OSBPL10: variants seen among roughly 807,000 people sequenced by gnomAD.
OSBPL10 encodes oxysterol binding protein like 10.
OSBPL10 carries 49 observed loss-of-function variants against 81.7 expected under a neutral mutation model. The observed-to-expected ratio is 0.60, with a 90% CI of 0.48 to 0.76. OSBPL10 has a LOEUF of 0.76. OSBPL10 is among the 30% of genes least tolerant of loss of function. OSBPL10 has a pLI of 0.00. For synonymous variants in OSBPL10, 419 were observed against 383.6 expected, an observed-to-expected ratio of 1.09 and a Z score of -1.08; for missense variants, 923 against 987.8, an observed-to-expected ratio of 0.93 and a Z score of 0.88.
chr3:31,737,202 C>T (rs72857994), intron 5 of OSBPL10, among the ~76,000 whole-genome samples: 8,531 of 152,136 alleles, frequency 0.056, 809 homozygotes, highest in African/African-American at 0.19. Context: ...GAGAAAGACG[C>T]CCATCTCAGA....
intron 1 of OSBPL10, among the ~76,000 whole-genome samples, chr3:31,934,631 T>G (rs1410352122): frequency 6.6e-6 from 1 of 151,220 alleles, no homozygotes; most frequent in Non-Finnish European, 1.5e-5. Flanking sequence ...GGTCTCAAAC[T>G]CCTGACCTCA....
intron 2 of OSBPL10, among the ~76,000 whole-genome samples, chr3:32,002,826 T>C (rs1699165136): frequency 7.6e-6 from 1 of 132,108 alleles, no homozygotes; most frequent in South Asian, 2.3e-4. Flanking sequence ...TTGAATCTGC[T>C]TTTATCTTTT....
chr3:31,967,588 TGAAA>T (rs770155754), intron 1 of OSBPL10, among the ~76,000 whole-genome samples: 5 of 152,174 alleles, frequency 3.3e-5, no homozygotes, highest in Non-Finnish European at 5.9e-5. Context: ...CATTTATAAA[TGAAA>T]GAGACAGTTG....
chr3:31,663,332 T>C (rs889323092), intron 11 of OSBPL10: 1 of 985,516 alleles, frequency 1.0e-6, no homozygotes, highest in Non-Finnish European at 1.2e-6. Flanking sequence ...GAGTGGCATC[T>C]GCCCCAGCCC....
At chr3:31,990,906 C>T in intron 2 of OSBPL10, 1 of 1,574,232 alleles carries the variant, frequency 6.4e-7, no homozygotes, top group Non-Finnish European at 8.6e-7. Context: ...ATTCACATCG[C>T]ATTAGACATC....
intron 1 of OSBPL10, among the ~76,000 whole-genome samples, chr3:31,934,068 C>G (rs533548582): frequency 6.8e-6 from 1 of 146,148 alleles, no homozygotes; most frequent in South Asian, 2.2e-4. Context: ...ATGAAAACCA[C>G]CTCTGTTTAA....
chr3:31,734,371 T>C (rs958638660), intron 5 of OSBPL10, among the ~76,000 whole-genome samples: 1 of 152,226 alleles, frequency 6.6e-6, no homozygotes, highest in Admixed American at 6.5e-5. Context: ...TAGAACATTT[T>C]ATACACCTAC....
At chr3:31,996,778 A>G (rs1352912010) in intron 2 of OSBPL10, among the ~76,000 whole-genome samples, 2 of 152,218 alleles carry the variant, frequency 1.3e-5, no homozygotes, top group African/African-American at 4.8e-5. Flanking sequence ...TATCAACTCC[A>G]GAGAGTGCAG....
At chr3:32,012,660 G>A (rs1223446861) in intron 2 of OSBPL10, among the ~76,000 whole-genome samples, 2 of 152,270 alleles carry the variant, frequency 1.3e-5, no homozygotes, top group East Asian at 3.9e-4. Flanking sequence ...ATTGGATCAA[G>A]AGTCAAGACC....
intron 6 of OSBPL10, among the ~76,000 whole-genome samples, chr3:31,712,763 T>C (rs1696301081): frequency 6.6e-6 from 1 of 152,258 alleles, no homozygotes; most frequent in Non-Finnish European, 1.5e-5. Context: ...GTTACAGCAG[T>C]GAAAACACAT....
intron 8 of OSBPL10, among the ~76,000 whole-genome samples, chr3:31,674,086 C>A (rs781441286): frequency 6.6e-6 from 1 of 152,124 alleles, no homozygotes; most frequent in African/African-American, 2.4e-5. Context: ...GGATATTTGA[C>A]CCCCTCCAAA....
At chr3:31,745,764 C>T (rs1697499787) in intron 5 of OSBPL10, among the ~76,000 whole-genome samples, 2 of 152,268 alleles carry the variant, frequency 1.3e-5, no homozygotes, top group Middle Eastern at 6.8e-3. Context: ...GTAAAGATTT[C>T]AGAAAACATG....
At chr3:31,667,459 A>G (rs893695129) in intron 10 of OSBPL10, among the ~76,000 whole-genome samples, 1 of 152,276 alleles carries the variant, frequency 6.6e-6, no homozygotes, top group Non-Finnish European at 1.5e-5. Context: ...AGTTATTAAT[A>G]TAATGTATTA....
At position 31,732,903 on chromosome 3, in the gene OSBPL10, T is replaced by C. The variant is rs1697023211; in HGVS notation, c.1095+354A>G. ...CAGCAGGAACCACACGAAGAAGCCATTATTCAGGGGAGCGACATAATATAT... is the reference window on the plus strand; with the variant it reads ...CAGCAGGAACCACACGAAGAAGCCACTATTCAGGGGAGCGACATAATATAT... On this transcript the variant is annotated intron_variant, in intron 6 of 11. Coordinates refer to ENST00000396556, the MANE Select transcript of OSBPL10 (RefSeq NM_017784.5). 3 of 275,090 alleles carry C rather than the reference T, an allele frequency of 1.1e-5. 1 individual carries two copies. The highest frequency in any genetic ancestry group is 3.9e-5 in the South Asian group (1 of 25,870). The allele number at this position is 275,090 out of a possible 1,614,324, so 17.0% of individuals were successfully genotyped here.
intron 3 of OSBPL10, among the ~76,000 whole-genome samples, chr3:31,834,388 C>A (rs1347272178): frequency 1.3e-5 from 2 of 152,196 alleles, no homozygotes; most frequent in Non-Finnish European, 2.9e-5. Context: ...CCTCACACAG[C>A]CATCAGTGTT....
chr3:31,940,398 T>G (rs1697500603), intron 1 of OSBPL10, among the ~76,000 whole-genome samples: 1 of 152,190 alleles, frequency 6.6e-6, no homozygotes. Context: ...AGAAAGCAGC[T>G]GTAGAGAGGT....
Position 31,725,151 on chromosome 3 carries a change from G to A in OSBPL10, c.1095+8106C>T, listed in dbSNP as rs1046590614. Among the ~76,000 whole-genome samples the A allele has an allele frequency of 5.9e-5, 9 of 152,152 alleles. No individual in the cohort carries two copies. In the South Asian group the frequency reaches 1.0e-3, roughly 18 times the overall value. The stretch of plus-strand genomic sequence containing the variant: ...GGTTATGAAAATCTGCTAAACTAAG[G>A]AAGGGCTCCATTCAATGCCCACTAT... On this transcript the variant is annotated intron_variant, in intron 6 of 11. Transcript: ENST00000396556.
chr3:31,835,743 C>T (rs573185006), intron 3 of OSBPL10, among the ~76,000 whole-genome samples: 1 of 152,290 alleles, frequency 6.6e-6, no homozygotes, highest in South Asian at 2.1e-4. Flanking sequence ...GATTATATTT[C>T]TTCTCTTCCT....
intron 2 of OSBPL10, among the ~76,000 whole-genome samples, chr3:32,023,443 T>G (rs1293392218): frequency 6.6e-6 from 1 of 152,154 alleles, no homozygotes; most frequent in Non-Finnish European, 1.5e-5. Context: ...TAAACCTCTT[T>G]CCTTTATAAA....
Sources: allele counts gnomAD v4.1 joint callset (sites outside exome capture counted in the v4.1 genomes callset), GRCh38; gene constraint gnomAD v4.1.1; transcripts MANE v1.5; gene names NCBI Gene and HGNC (gene_info 2026-07-23, HGNC 2026-07-21).